The following ZNF816 variants were observed in gnomAD, a reference collection of about 807,000 sequenced individuals.
ZNF816 encodes the protein zinc finger protein 816, also known as zinc finger protein 816A.
Under a neutral mutation model 8.3 loss-of-function variants are expected in ZNF816, and 11 were observed. The ratio of observed to expected loss-of-function variants is 1.32; its 90% CI spans 0.83 to 2.19. ZNF816 has a LOEUF of 2.19. Among genes scored for constraint, ZNF816 ranks in the 30% most tolerant of loss-of-function variants. The pLI, the probability that ZNF816 is intolerant of heterozygous loss-of-function variation, is 0.00. For missense variants in ZNF816, 710 were observed against 779.3 expected, an observed-to-expected ratio of 0.91 and a Z score of 1.06; for synonymous variants, 255 against 254.5, an observed-to-expected ratio of 1.00 and a Z score of -0.02.
Position 52,949,866 on chromosome 19 carries a change from T to A in ZNF816, c.1909A>T (p.Ile637Phe), listed in dbSNP as rs1306621333. 1 of 1,613,648 alleles carries A rather than the reference T, an allele frequency of 6.2e-7. No individual in the cohort carries two copies. Among genetic ancestry groups the A allele is most frequent in the Non-Finnish European group, 8.5e-7 (1 of 1,179,738 alleles). Residue 637 changes from isoleucine to phenylalanine, a missense_variant, in exon 4 of 4, where the codon ATT (isoleucine) becomes TTT (phenylalanine). Transcript: ENST00000444460. Reference protein sequence around the residue: ...GKAFTGQSTLIHHQAIHGCRE... With the variant: ...GKAFTGQSTLFHHQAIHGCRE... ...CACCCATGGATTGCTTGATGGTGAATAAGTGTTGACTGTCCAGTAAAGGCT... is the reference window on the plus strand; with the variant it reads ...CACCCATGGATTGCTTGATGGTGAAAAAGTGTTGACTGTCCAGTAAAGGCT...
chr19:52,956,025 AC>A lies in ZNF816; in HGVS notation c.63+1del. ...AAGAATCCACCAAGGAATATCACTT[AC>A]CTGAGGAAGAGCCATCCCTGGCTCC... On this transcript the variant is annotated splice_donor_variant, in intron 2 of 3. Transcript: ENST00000444460. LOFTEE classifies it high-confidence loss of function. 6.2e-7 allele frequency: 1 copy of A among 1,608,948 alleles called. No homozygotes were observed. Among genetic ancestry groups the A allele is most frequent in the Non-Finnish European group, 8.5e-7 (1 of 1,178,616 alleles).
chr19:52,955,362 T>C (rs191914623), intron 2 of ZNF816, among the ~76,000 whole-genome samples: 1 of 152,180 alleles, frequency 6.6e-6, no homozygotes, highest in Non-Finnish European at 1.5e-5. Context: ...TTCTAAGACA[T>C]TGAAAGTGCA....
chr19:52,956,157 C>T, intron 1 of ZNF816, 53 bp from the exon 2 acceptor site: 8 of 1,566,370 alleles, frequency 5.1e-6, no homozygotes, highest in South Asian at 1.2e-5. Context: ...TGACTCCTTT[C>T]CTGTGACAAA....
At chr19:52,955,199 A>C (rs1255432497) in intron 2 of ZNF816, among the ~76,000 whole-genome samples, 1 of 152,182 alleles carries the variant, frequency 6.6e-6, no homozygotes, top group African/African-American at 2.4e-5. Flanking sequence ...AAACAAAACA[A>C]AAAACAAAAA....
intron 1 of ZNF816, among the ~76,000 whole-genome samples, chr19:52,962,409 C>A (rs574078232): frequency 6.6e-6 from 1 of 152,270 alleles, no homozygotes; most frequent in South Asian, 2.1e-4. Context: ...CCTCCCACTT[C>A]CACCACGTCT....
In ZNF816 at chr19:52,950,610, T is replaced by C. The variant is rs747386612; in HGVS notation, c.1165A>G (p.Ile389Val). 6 of 1,614,152 alleles carry C rather than the reference T, an allele frequency of 3.7e-6. No homozygotes were observed. Among genetic ancestry groups the C allele is most frequent in the African/African-American group, 1.3e-5 (1 of 75,066 alleles). Residue 389 changes from isoleucine (I) to valine (V), a missense_variant, in exon 4 of 4, where the codon ATA becomes GTA. Transcript: ENST00000444460. ...SQKSSLQCHH[I>V]LHTGEKPYKC... is the part of the protein sequence containing the mutation. Reference sequence around the variant, plus strand: ...TAAGGTTTCTCTCCAGTGTGAAGTATATGATGGCATTGAAGGGATGATTTC... The same window carrying C: ...TAAGGTTTCTCTCCAGTGTGAAGTACATGATGGCATTGAAGGGATGATTTC...
At chr19:52,956,277 A>C in intron 1 of ZNF816, 173 bp from the exon 2 acceptor site, 1 of 682,348 alleles carries the variant, frequency 1.5e-6, no homozygotes, top group African/African-American at 1.8e-5. Context: ...TACAAATGTA[A>C]TTTTGACCCG....
At chr19:52,960,351 C>T (rs116363382) in intron 1 of ZNF816, among the ~76,000 whole-genome samples, 1,650 of 152,228 alleles carry the variant, frequency 0.011, 25 homozygotes, top group African/African-American at 0.039. Context: ...GAGGCTTATC[C>T]CACACGAACT....
intron 2 of ZNF816, among the ~76,000 whole-genome samples, 176 bp downstream of exon 2, chr19:52,955,851 C>T (rs778024350): frequency 1.3e-5 from 2 of 152,082 alleles, no homozygotes; most frequent in Non-Finnish European, 2.9e-5. Context: ...GCTCATGTCA[C>T]TAGGTTATAG....
Position 52,952,653 on chromosome 19 carries a change from G to C in ZNF816, c.190+98C>G, listed in dbSNP as rs773182609. The C allele has an allele frequency of 3.8e-6, 6 of 1,586,284 alleles. No homozygotes were observed. In the East Asian group the frequency reaches 1.1e-4, roughly 30 times the overall value. ...GAAAACAATGACATGTACATCAAAA[G>C]CATGTATGGGGCAAAATCACAAAAG... On this transcript the variant is annotated intron_variant, in intron 3 of 3. Transcript: ENST00000444460.
At chr19:52,954,038 C>CT (rs1185478388) in intron 2 of ZNF816, among the ~76,000 whole-genome samples, 3 of 51,696 alleles carry the variant, frequency 5.8e-5, no homozygotes, top group African/African-American at 2.6e-4. Context: ...GAGACTCTTT[C>CT]TCAAAAAAAA....
intron 2 of ZNF816, chr19:52,953,265 C>A: frequency 3.6e-6 from 1 of 274,506 alleles, no homozygotes; most frequent in Non-Finnish European, 7.4e-6. Context: ...TGGTGGCACA[C>A]GCCTCTAGTC....
At chr19:52,952,700 C>G in intron 3 of ZNF816, 51 bp downstream of exon 3, 2 of 1,606,460 alleles carry the variant, frequency 1.2e-6, no homozygotes, top group Non-Finnish European at 1.7e-6. Flanking sequence ...CCAGAAAGAG[C>G]CAAGATAGAC....
chr19:52,955,007 A>G (rs2083497692), intron 2 of ZNF816, among the ~76,000 whole-genome samples: 1 of 152,124 alleles, frequency 6.6e-6, no homozygotes, highest in African/African-American at 2.4e-5. Context: ...TTGGACTTTT[A>G]CTACACAACA....
rs189725364 is a variant in ZNF816, at chr19:52,961,211, C to T, written c.-16+1516G>A. 2.0e-5 allele frequency among the ~76,000 whole-genome samples: 3 copies of T among 152,240 alleles called. No homozygotes were observed. The East Asian group carries it at 5.8e-4, about 29-fold the overall frequency. ...ACCCATCTAAGCCTCCTGCAACCACCGTTTTTCAAATAAGATTAAGAACTG... is the reference window on the plus strand; with the variant it reads ...ACCCATCTAAGCCTCCTGCAACCACTGTTTTTCAAATAAGATTAAGAACTG... On this transcript the variant is annotated intron_variant, in intron 1 of 3. Transcript: ENST00000444460.
chr19:52,953,272 A>G, intron 2 of ZNF816: 1 of 294,960 alleles, frequency 3.4e-6, no homozygotes, highest in Non-Finnish European at 6.8e-6. Flanking sequence ...ACACGCCTCT[A>G]GTCCCAGCTA....
rs1311168700 is a variant in ZNF816, at chr19:52,949,722, A to T, written c.*97T>A. The T allele has an allele frequency of 2.5e-6, 4 of 1,580,566 alleles. No individual in the cohort carries two copies. Among genetic ancestry groups the T allele is most frequent in the Middle Eastern group, 1.7e-4 (1 of 5,934 alleles). On this transcript the variant is annotated 3_prime_UTR_variant, in exon 4 of 4. Coordinates refer to ENST00000444460, the MANE Select transcript of ZNF816 (RefSeq NM_001202457.3). Reference sequence around the variant, plus strand: ...ACAAGTTATGAATGACGTCTGAAAAATTTGCCACATTTATTACACTTGTAG... The same window carrying T: ...ACAAGTTATGAATGACGTCTGAAAATTTTGCCACATTTATTACACTTGTAG...
chr19:52,951,753 C>T, intron 3 of ZNF816, 169 bp from the exon 4 acceptor site: 1 of 675,586 alleles, frequency 1.5e-6, no homozygotes, highest in Non-Finnish European at 2.3e-6. Flanking sequence ...CAAAAATTAG[C>T]CAGTCATGGT....
chr19:52,953,726 T>C (rs1036532887), intron 2 of ZNF816, among the ~76,000 whole-genome samples: 1 of 130,954 alleles, frequency 7.6e-6, no homozygotes, highest in African/African-American at 2.8e-5. Flanking sequence ...TAAATATATA[T>C]AATATATATT....
Sources: gnomAD v4.1 joint callset for allele counts (sites outside exome capture counted in the v4.1 genomes callset) on GRCh38, gnomAD v4.1.1 for gene constraint, MANE v1.5 for transcripts, NCBI Gene and HGNC (gene_info 2026-07-23, HGNC 2026-07-21) for gene names.